Variants in AP3M2 observed in about 807,000 individuals in gnomAD.
AP3M2 encodes the protein adaptor related protein complex 3 subunit mu 2.
Under a neutral mutation model 41.6 loss-of-function variants are expected in AP3M2, and 28 were observed. The ratio of observed to expected loss-of-function variants is 0.67; its 90% confidence interval spans 0.50 to 0.92. The LOEUF (loss-of-function observed/expected upper bound fraction) is 0.92. AP3M2 is among the 40% of genes least tolerant of loss of function. AP3M2 has a pLI of 0.00. For synonymous variants in AP3M2, 193 were observed against 186.4 expected, an observed-to-expected ratio of 1.04 and a Z score of -0.29; for missense variants, 427 against 521.4, an observed-to-expected ratio of 0.82 and a Z score of 1.76.
intron 1 of AP3M2, chr8:42,153,922 A>G (rs1316144793): frequency 6.6e-6 from 1 of 152,232 alleles, no homozygotes; most frequent in African/African-American, 2.4e-5. Context: ...GGGCAGAAAT[A>G]GAAAGCAAAC....
At chr8:42,154,557 A>G (rs1428259968) in intron 1 of AP3M2, 59 bp from the exon 2 acceptor site, 17 of 1,362,086 alleles carry the variant, frequency 1.2e-5, no homozygotes, top group Middle Eastern at 2.7e-4. Context: ...GACTGTTGGG[A>G]AAAGATGGGG....
intron 3 of AP3M2, 29 bp downstream of exon 3, chr8:42,158,141 G>A (rs1212152062): frequency 1.2e-6 from 2 of 1,601,602 alleles, no homozygotes; most frequent in South Asian, 1.1e-5. Context: ...CTGATAGATA[G>A]TGGCCATCCT....
At chr8:42,167,588 C>T in intron 7 of AP3M2, 78 bp from the exon 8 acceptor site, 3 of 1,529,798 alleles carry the variant, frequency 2.0e-6, no homozygotes, top group Non-Finnish European at 1.8e-6. Flanking sequence ...GAGTTTAGAT[C>T]TCAGCCACCT....
At chr8:42,153,920 A>G (rs1049351813) in intron 1 of AP3M2, 8 of 152,218 alleles carry the variant, frequency 5.3e-5, no homozygotes, top group Non-Finnish European at 1.2e-4. Context: ...GTGGGCAGAA[A>G]TAGAAAGCAA....
chr8:42,158,161 G>C (rs1163776015), intron 3 of AP3M2, 49 bp downstream of exon 3: 6 of 1,580,590 alleles, frequency 3.8e-6, no homozygotes, highest in Non-Finnish European at 5.2e-6. Flanking sequence ...TACAGCCTGA[G>C]TGGCTTAGTC....
At chr8:42,153,847 A>C (rs1262973371) in intron 1 of AP3M2, 1 of 152,104 alleles carries the variant, frequency 6.6e-6, no homozygotes, top group Non-Finnish European at 1.5e-5. Flanking sequence ...TGCTCAGAGA[A>C]TAGCTCTGAT....
At chr8:42,160,468 C>G (rs1804479917) in intron 3 of AP3M2, among the ~76,000 whole-genome samples, 1 of 152,110 alleles carries the variant, frequency 6.6e-6, no homozygotes, top group African/African-American at 2.4e-5. Flanking sequence ...AAAATTAAGT[C>G]CCTCCACTTC....
Position 42,158,791 on chromosome 8 carries a change from A to G in AP3M2, c.445+679A>G, listed in dbSNP as rs548556750. On this transcript the variant is annotated intron_variant, in intron 3 of 8. Coordinates refer to ENST00000396926, the MANE Select transcript of AP3M2 (RefSeq NM_006803.4). The stretch of plus-strand genomic sequence containing the variant: ...ATTATCCCATGATGATGTCTTCTAC[A>G]TGGTTCTTTTTTTTTTTTTTGAGAT... 1.7e-4 allele frequency among the ~76,000 whole-genome samples: 25 copies of G among 151,022 alleles called. No individual in the cohort carries two copies. In the East Asian group the frequency reaches 4.8e-3, roughly 29 times the overall value.
intron 4 of AP3M2, among the ~76,000 whole-genome samples, chr8:42,163,528 T>G (rs2150959539): frequency 6.6e-6 from 1 of 151,758 alleles, no homozygotes; most frequent in Non-Finnish European, 1.5e-5. Flanking sequence ...AACAGAGAGG[T>G]GGGGGTGTTT....
chr8:42,166,191 T>G (rs919118279), intron 6 of AP3M2, among the ~76,000 whole-genome samples: 3 of 152,282 alleles, frequency 2.0e-5, no homozygotes, highest in South Asian at 2.1e-4. Flanking sequence ...ACTTAGAACC[T>G]TGGGCAAGTT....
chr8:42,161,376 C>T (rs550334494), intron 3 of AP3M2, among the ~76,000 whole-genome samples: 1 of 152,040 alleles, frequency 6.6e-6, no homozygotes, highest in African/African-American at 2.4e-5. Context: ...TTTGGGAGGC[C>T]GAGTTGGGTG....
intron 4 of AP3M2, among the ~76,000 whole-genome samples, chr8:42,163,553 G>T (rs532329655): frequency 5.8e-4 from 89 of 152,218 alleles, no homozygotes; most frequent in Non-Finnish European, 1.1e-3. Flanking sequence ...TTCATCAGTG[G>T]ATTGAAATGA....
rs995418390 is a variant in AP3M2 at position 42,170,040 on chromosome 8, G to A, written c.*979G>A. ...TGTGTGTCATCGTACTGGAGTAGAG[G>A]GCCGACTCTTCCCATGAAGGTGAGC... is the stretch of plus-strand genomic sequence containing the variant. On this transcript the variant is annotated 3_prime_UTR_variant, in exon 9 of 9. Coordinates refer to ENST00000396926, the MANE Select transcript of AP3M2 (RefSeq NM_006803.4). 1 of 149,094 alleles carries A rather than the reference G, an allele frequency of 6.7e-6. No homozygotes were observed. Among genetic ancestry groups the A allele is most frequent in the Non-Finnish European group, 1.5e-5 (1 of 66,120 alleles). The allele number at this position is 149,094 out of a possible 1,614,324, so 9.2% of individuals were successfully genotyped here. A position where few individuals can be genotyped will look rare whatever the true frequency, so the allele number is the denominator to read the frequency against.
At chr8:42,163,484 G>A (rs1398156930) in intron 4 of AP3M2, among the ~76,000 whole-genome samples, 1 of 152,226 alleles carries the variant, frequency 6.6e-6, no homozygotes, top group Non-Finnish European at 1.5e-5. Flanking sequence ...AAAAGGTAGA[G>A]CATATGAGAG....
chr8:42,155,057 A>G, intron 2 of AP3M2, 97 bp downstream of exon 2: 1 of 1,082,996 alleles, frequency 9.2e-7, no homozygotes, highest in Non-Finnish European at 1.3e-6. Flanking sequence ...ACTTAAAAAA[A>G]AAAATCAAAA....
At position 42,158,115 on chromosome 8, in the gene AP3M2, A is replaced by G; in HGVS notation, c.445+3A>G. The stretch of plus-strand genomic sequence containing the variant: ...AACGGTTGTCAACACCATCACAGGT[A>G]CGGCAGAGGGGGAAACTGATAGATA... On this transcript the variant is annotated splice_donor_region_variant and intron_variant, in intron 3 of 8. Transcript: ENST00000396926. 1 of 1,611,834 alleles carries G rather than the reference A, an allele frequency of 6.2e-7. No individual in the cohort carries two copies. The highest frequency in any genetic ancestry group is 1.1e-5 in the South Asian group (1 of 91,034).
Position 42,169,594 on chromosome 8 carries a change from A to C in AP3M2, c.*533A>C, listed in dbSNP as rs973895063. On this transcript the variant is annotated 3_prime_UTR_variant, in exon 9 of 9. Coordinates refer to ENST00000396926, the MANE Select transcript of AP3M2 (RefSeq NM_006803.4). ...AAGAAAAGCAGTCGGACTCTACCTT[A>C]AGGAGGGATGGGAAGGAAAGAGTTG... The C allele has an allele frequency of 1.3e-5, 2 of 152,266 alleles. No homozygotes were observed. Among genetic ancestry groups the C allele is most frequent in the African/African-American group, 4.8e-5 (2 of 41,456 alleles). 9.4% of individuals were successfully genotyped at this position (152,266 alleles called of 1,614,324 possible). A position where few individuals can be genotyped will look rare whatever the true frequency, so the allele number is the denominator to read the frequency against.
Position 42,165,468 on chromosome 8 carries a change from T to A in AP3M2, c.711T>A (p.Val237=). 1 of 1,614,238 alleles carries A rather than the reference T, an allele frequency of 6.2e-7. No individual in the cohort carries two copies. Among genetic ancestry groups the A allele is most frequent in the Non-Finnish European group, 8.5e-7 (1 of 1,180,038 alleles). ...ATGATGTCAGCTTCCATCCTTGTGT[T>A]CGTTTCAAACGCTGGGAATCTGAGC... The part of the protein sequence containing the change: ...LLDDVSFHPC[V]RFKRWESERI... The change falls in exon 6 of 9, where the codon GTT becomes GTA. Residue 237 remains valine (V), a synonymous_variant. Coordinates refer to ENST00000396926, the MANE Select transcript of AP3M2 (RefSeq NM_006803.4).
At chr8:42,159,314 T>C (rs1804444107) in intron 3 of AP3M2, among the ~76,000 whole-genome samples, 1 of 152,198 alleles carries the variant, frequency 6.6e-6, no homozygotes, top group Non-Finnish European at 1.5e-5. Context: ...TGTAATGTGT[T>C]GCTCTCCAGA....
Sources: allele counts gnomAD v4.1 joint callset (sites outside exome capture counted in the v4.1 genomes callset), GRCh38; gene constraint gnomAD v4.1.1; transcripts MANE v1.5; gene names NCBI Gene and HGNC (gene_info 2026-07-23, HGNC 2026-07-21).